XRCC4: variants seen among roughly 807,000 people sequenced by gnomAD.
XRCC4 encodes the protein DNA repair protein XRCC4.
XRCC4 carries 28 observed loss-of-function variants against 39.1 expected under a neutral mutation model. That is an observed-to-expected ratio of 0.72 (90% CI 0.53 to 0.98). The LOEUF is 0.98. Among genes scored for constraint, XRCC4 ranks in the 50% least tolerant of loss-of-function variants. The pLI is 0.00. For missense variants in XRCC4, 350 were observed against 376.4 expected (o/e 0.93, Z 0.58); for synonymous variants, 123 against 126.4 (o/e 0.97, Z 0.18).
chr5:83,235,334 CAAA>C (rs57372204), intron 6 of XRCC4, among the ~76,000 whole-genome samples: 7 of 58,718 alleles, frequency 1.2e-4, no homozygotes, highest in Non-Finnish European at 2.1e-4. Context: ...GACCCTATCT[CAAA>C]AAAAAAAAAA....
At chr5:83,124,401 A>AC (rs1366635995) in intron 3 of XRCC4, among the ~76,000 whole-genome samples, 24 of 152,208 alleles carry the variant, frequency 1.6e-4, no homozygotes, top group South Asian at 1.5e-3. Context: ...CTTTTCACTG[A>AC]CCCTAATACT....
intron 7 of XRCC4, among the ~76,000 whole-genome samples, chr5:83,263,090 C>T (rs554521450): frequency 2.2e-4 from 32 of 145,534 alleles, no homozygotes; most frequent in African/African-American, 7.4e-4. Context: ...TGAGAATATG[C>T]GGTGTTTGGT....
At chr5:83,204,764 C>A in intron 5 of XRCC4, 51 bp from the exon 6 acceptor site, 1 of 1,403,142 alleles carries the variant, frequency 7.1e-7, no homozygotes, top group South Asian at 1.3e-5. Flanking sequence ...AATCTGCTGC[C>A]TAGCAGGGGG....
At chr5:83,156,378 GA>G (rs1748964558) in intron 3 of XRCC4, among the ~76,000 whole-genome samples, 1 of 151,650 alleles carries the variant, frequency 6.6e-6, no homozygotes, top group Non-Finnish European at 1.5e-5. Flanking sequence ...GAAGTTTTGG[GA>G]AAACATATCA....
At chr5:83,088,070 C>G (rs1448946022) in intron 1 of XRCC4, among the ~76,000 whole-genome samples, 1 of 152,100 alleles carries the variant, frequency 6.6e-6, no homozygotes, top group Non-Finnish European at 1.5e-5. Context: ...ACATTGGATT[C>G]CTCAGGCAAA....
intron 3 of XRCC4, among the ~76,000 whole-genome samples, chr5:83,156,958 G>A (rs1217355580): frequency 6.6e-6 from 1 of 151,904 alleles, no homozygotes. Context: ...GGCTTGTAAG[G>A]GACACTTAGA....
At chr5:83,273,568 T>G (rs1306695846) in intron 7 of XRCC4, among the ~76,000 whole-genome samples, 1 of 152,216 alleles carries the variant, frequency 6.6e-6, no homozygotes, top group East Asian at 1.9e-4. Flanking sequence ...TTAAGTCTTT[T>G]AATCCATCTT....
At chr5:83,282,909 C>T (rs149938425) in intron 7 of XRCC4, among the ~76,000 whole-genome samples, 65 of 151,992 alleles carry the variant, frequency 4.3e-4, no homozygotes, top group Middle Eastern at 3.4e-3. Flanking sequence ...GTAACTTATA[C>T]GACAATATAT....
chr5:83,209,083 AGTGT>A (rs35019637), intron 6 of XRCC4, among the ~76,000 whole-genome samples: 50,096 of 143,486 alleles, frequency 0.35, 8,504 homozygotes, highest in Middle Eastern at 0.43. Flanking sequence ...CTCCAAAGTG[AGTGT>A]GTGTGTGTGT....
chr5:83,129,468 T>C (rs1747450059), intron 3 of XRCC4, among the ~76,000 whole-genome samples: 1 of 152,276 alleles, frequency 6.6e-6, no homozygotes, highest in Non-Finnish European at 1.5e-5. Context: ...GGCCCTTTTT[T>C]GGTTCCATAT....
intron 3 of XRCC4, among the ~76,000 whole-genome samples, chr5:83,189,957 G>A (rs1750620118): frequency 6.6e-6 from 1 of 152,134 alleles, no homozygotes; most frequent in African/African-American, 2.4e-5. Flanking sequence ...CCAGCTACGT[G>A]GGATGCTGAG....
At chr5:83,130,658 G>T (rs1387325182) in intron 3 of XRCC4, among the ~76,000 whole-genome samples, 1 of 152,126 alleles carries the variant, frequency 6.6e-6, no homozygotes, top group Non-Finnish European at 1.5e-5. Context: ...CCTGTTATTG[G>T]TCTATTCAGG....
At chr5:83,187,699 A>G (rs1297624960) in intron 3 of XRCC4, among the ~76,000 whole-genome samples, 1 of 152,180 alleles carries the variant, frequency 6.6e-6, no homozygotes, top group Non-Finnish European at 1.5e-5. Flanking sequence ...ATTAATCTAC[A>G]GAAGTTTCTG....
chr5:83,184,840 C>T (rs959944541), intron 3 of XRCC4, among the ~76,000 whole-genome samples: 41 of 152,048 alleles, frequency 2.7e-4, no homozygotes, highest in Middle Eastern at 3.4e-3. Context: ...TAAACTGACT[C>T]GAGAGTGTAG....
chr5:83,177,064 G>A (rs1011391499), intron 3 of XRCC4, among the ~76,000 whole-genome samples: 1 of 152,056 alleles, frequency 6.6e-6, no homozygotes, highest in African/African-American at 2.4e-5. Context: ...TTTTAAATCA[G>A]CAAATTACCC....
chr5:83,117,231 T>A (rs575118519), intron 3 of XRCC4, among the ~76,000 whole-genome samples: 2 of 152,310 alleles, frequency 1.3e-5, no homozygotes, highest in Admixed American at 1.3e-4. Context: ...TAGATTGTTC[T>A]GGTTGAAAGC....
chr5:83,217,803 T>G (rs1316372319), intron 6 of XRCC4, among the ~76,000 whole-genome samples: 1 of 152,156 alleles, frequency 6.6e-6, no homozygotes, highest in Non-Finnish European at 1.5e-5. Context: ...AAGGGTGTCT[T>G]CAATGAGAAT....
rs149525707 is a variant in XRCC4, at chr5:83,212,643, A to G, written c.745+7722A>G. On this transcript the variant is annotated intron_variant, in intron 6 of 7. Coordinates refer to ENST00000396027, the MANE Select transcript of XRCC4 (RefSeq NM_003401.5). ...CTTTAAGTGAGATAAATACCAAAAG[A>G]TAGGCTGGGCATGGTGGCTCACACC... Among the ~76,000 whole-genome samples the G allele has an allele frequency of 5.2e-4, 79 of 152,252 alleles. 1 individual carries two copies. The Middle Eastern group carries it at 0.037, about 72-fold the overall frequency.
At chr5:83,355,486 C>G (rs894790278), downstream of XRCC4, among the ~76,000 whole-genome samples, 1 of 151,988 alleles carries the variant, frequency 6.6e-6, no homozygotes, top group African/African-American at 2.4e-5. Context: ...AGTAGGCACT[C>G]GAAAGTTTCT....
Sources: allele counts gnomAD v4.1 joint callset (sites outside exome capture counted in the v4.1 genomes callset), GRCh38; gene constraint gnomAD v4.1.1; transcripts MANE v1.5; gene names NCBI Gene and HGNC (gene_info 2026-07-23, HGNC 2026-07-21).